The following MEMO1 variants were observed in gnomAD, a reference collection of about 807,000 sequenced individuals.
The protein encoded by MEMO1 is mediator of cell motility 1, also known as protein MEMO1.
MEMO1 carries 6 observed loss-of-function variants against 45.2 expected under a neutral mutation model. The observed-to-expected ratio is 0.13, with a 90% confidence interval of 0.07 to 0.26. The LOEUF (loss-of-function observed/expected upper bound fraction) is 0.26. Ranked by LOEUF, MEMO1 falls within the 10% of genes least tolerant of loss-of-function variation. The pLI is 1.00. For missense variants in MEMO1, 184 were observed against 370.5 expected, an observed-to-expected ratio of 0.50 and a Z score of 4.13; for synonymous variants, 78 against 124.3, an observed-to-expected ratio of 0.63 and a Z score of 2.48.
In MEMO1 at chr2:31,895,819, A is replaced by G. The variant is rs1215358797; in HGVS notation, c.438-3685T>C. On this transcript the variant is annotated intron_variant, in intron 6 of 9. Coordinates refer to ENST00000404530, the MANE Select transcript of MEMO1 (RefSeq NM_001301833.4). ...ACTTCATAATCAAACAGCTGAAAACAAAACACAAGAAAAAAATCTTTTTTT... is the reference window on the plus strand; with the variant it reads ...ACTTCATAATCAAACAGCTGAAAACGAAACACAAGAAAAAAATCTTTTTTT... Among the ~76,000 whole-genome samples the G allele has an allele frequency of 2.6e-5, 4 of 151,818 alleles. No individual in the cohort carries two copies. The East Asian group carries it at 7.7e-4, about 29-fold the overall frequency.
intron 2 of MEMO1, among the ~76,000 whole-genome samples, chr2:31,983,184 C>A (rs1166460106): frequency 6.6e-6 from 1 of 152,054 alleles, no homozygotes; most frequent in South Asian, 2.1e-4. Flanking sequence ...TCGCTTGAAC[C>A]CAGGAGGCAG....
intron 2 of MEMO1, among the ~76,000 whole-genome samples, chr2:31,956,109 A>C (rs545935026): frequency 2.2e-4 from 33 of 152,354 alleles, no homozygotes; most frequent in African/African-American, 7.7e-4. Flanking sequence ...TCCCTAAAAC[A>C]GAGCTAAACA....
intron 3 of MEMO1, among the ~76,000 whole-genome samples, chr2:31,941,820 T>C (rs761751223): frequency 2.1e-4 from 32 of 152,228 alleles, no homozygotes; most frequent in Non-Finnish European, 2.4e-4. Flanking sequence ...AAGTTAGATA[T>C]ACAAATAAGG....
intron 2 of MEMO1, among the ~76,000 whole-genome samples, chr2:31,982,351 G>C (rs1012478159): frequency 3.3e-5 from 5 of 150,926 alleles, no homozygotes; most frequent in African/African-American, 1.2e-4. Context: ...CAGCACTTTG[G>C]GAGGCCGAGG....
rs188520431 is a variant in MEMO1 at position 31,992,667 on chromosome 2, C to A, written c.61+17520G>T. Among the ~76,000 whole-genome samples, 19 of 152,208 alleles carry A rather than the reference C, an allele frequency of 1.2e-4. No homozygotes were observed. The East Asian group carries it at 3.3e-3, about 26-fold the overall frequency. On this transcript the variant is annotated intron_variant, in intron 2 of 9. Transcript: ENST00000404530. ...GGTGTGGTGGCGGGAGCCTATAATC[C>A]CAGCTACTCGGGAGACTGAGGCAGG...
At chr2:31,896,575 G>A (rs1042676280) in intron 6 of MEMO1, among the ~76,000 whole-genome samples, 4 of 152,066 alleles carry the variant, frequency 2.6e-5, no homozygotes, top group African/African-American at 4.8e-5. Context: ...GTTCAAGAAC[G>A]AAACAAAGGA....
chr2:31,937,934 T>C (rs953127299), intron 3 of MEMO1, among the ~76,000 whole-genome samples: 6 of 152,158 alleles, frequency 3.9e-5, no homozygotes, highest in South Asian at 2.1e-4. Context: ...AGCAAGAAGA[T>C]TGGTATGAAG....
intron 2 of MEMO1, among the ~76,000 whole-genome samples, chr2:31,990,571 C>CA (rs1349949014): frequency 0.099 from 11,867 of 119,984 alleles, 550 homozygotes; most frequent in Middle Eastern, 0.18. Context: ...AATTTTTTTT[C>CA]TTTTTTTTTT....
intron 7 of MEMO1, among the ~76,000 whole-genome samples, chr2:31,890,405 G>C (rs994063848): frequency 6.6e-6 from 1 of 152,068 alleles, no homozygotes; most frequent in Non-Finnish European, 1.5e-5. Flanking sequence ...AAAATATGCT[G>C]TTTTGCAGTA....
chr2:31,885,500 C>T (rs1044739956), intron 7 of MEMO1, among the ~76,000 whole-genome samples: 5 of 152,146 alleles, frequency 3.3e-5, no homozygotes, highest in Admixed American at 6.5e-5. Context: ...AATAATTTAT[C>T]GATTCAATTC....
intron 6 of MEMO1, among the ~76,000 whole-genome samples, chr2:31,904,661 G>A (rs143022475): frequency 9.1e-4 from 139 of 152,314 alleles, no homozygotes; most frequent in Non-Finnish European, 1.5e-3. Context: ...CTGGCCCACC[G>A]TTCGCATCCT....
intron 3 of MEMO1, among the ~76,000 whole-genome samples, chr2:31,936,621 G>GC (rs763366658): frequency 6.6e-6 from 1 of 152,142 alleles, no homozygotes; most frequent in Non-Finnish European, 1.5e-5. Context: ...TTCCCACACA[G>GC]CAACCTTCCA....
At chr2:31,912,530 A>G (rs913075150) in intron 6 of MEMO1, among the ~76,000 whole-genome samples, 1 of 151,510 alleles carries the variant, frequency 6.6e-6, no homozygotes, top group African/African-American at 2.4e-5. Flanking sequence ...AAAAAAAAAA[A>G]AAGCAATTAT....
At chr2:31,895,931 C>A (rs1393536603) in intron 6 of MEMO1, among the ~76,000 whole-genome samples, 6 of 151,122 alleles carry the variant, frequency 4.0e-5, no homozygotes, top group African/African-American at 1.5e-4. Context: ...TAGGCTCCGC[C>A]CCCCGGGGTT....
chr2:32,001,681 G>C (rs929049049), intron 2 of MEMO1, among the ~76,000 whole-genome samples: 3 of 152,050 alleles, frequency 2.0e-5, no homozygotes, highest in Admixed American at 1.3e-4. Context: ...GTAAGCTTTA[G>C]CCAGAAGTCC....
intron 2 of MEMO1, among the ~76,000 whole-genome samples, chr2:31,979,218 G>A (rs1670366921): frequency 6.6e-6 from 1 of 152,088 alleles, no homozygotes; most frequent in Non-Finnish European, 1.5e-5. Context: ...CAGCAGAGAG[G>A]AAACCAGACC....
intron 2 of MEMO1, among the ~76,000 whole-genome samples, chr2:31,984,989 G>C (rs1671098674): frequency 6.6e-6 from 1 of 152,194 alleles, no homozygotes; most frequent in Non-Finnish European, 1.5e-5. Flanking sequence ...GGAATATACA[G>C]AAATTCTGTA....
At chr2:31,908,411 A>G (rs1208074273) in intron 6 of MEMO1, among the ~76,000 whole-genome samples, 1 of 152,210 alleles carries the variant, frequency 6.6e-6, no homozygotes, top group African/African-American at 2.4e-5. Context: ...CCTAACATGT[A>G]AAGATTTTAG....
chr2:31,894,911 G>A (rs1456674952), intron 6 of MEMO1, among the ~76,000 whole-genome samples: 2 of 152,148 alleles, frequency 1.3e-5, no homozygotes, highest in Non-Finnish European at 2.9e-5. Flanking sequence ...TCCCAGCAGA[G>A]GGTGAAAGTC....
Sources: gnomAD v4.1 joint callset for allele counts (sites outside exome capture counted in the v4.1 genomes callset) on GRCh38, gnomAD v4.1.1 for gene constraint, MANE v1.5 for transcripts, NCBI Gene and HGNC (gene_info 2026-07-23, HGNC 2026-07-21) for gene names.